KATNIP: variants seen among roughly 807,000 people sequenced by gnomAD.
KATNIP encodes katanin interacting protein.
Under a neutral mutation model 174.0 loss-of-function variants are expected in KATNIP, and 126 were observed. The ratio of observed to expected loss-of-function variants is 0.72; its 90% CI spans 0.63 to 0.84. KATNIP has a LOEUF of 0.84. Among genes scored for constraint, KATNIP ranks in the 40% least tolerant of loss-of-function variants. KATNIP has a pLI of 0.00. For synonymous variants in KATNIP, 810 were observed against 835.7 expected (o/e 0.97, Z 0.53); for missense variants, 1,958 against 2,109.7 (o/e 0.93, Z 1.41).
rs868841307 is a variant in KATNIP, at chr16:27,628,588, A to C, written c.141-73A>C. ...CGCTTCACTGTGGGAACAGCAGTTC[A>C]CTCCTGGCTTGGGGGTACAGCAGCC... On this transcript the variant is annotated intron_variant, in intron 3 of 27. Transcript: ENST00000261588. 65 of 1,492,970 alleles carry C rather than the reference A, an allele frequency of 4.4e-5. 3 individuals are homozygous for C. In the Middle Eastern group the frequency reaches 7.2e-3, roughly 165 times the overall value. 92.5% of individuals were successfully genotyped at this position (1,492,970 alleles called of 1,614,324 possible).
chr16:27,752,003 T>A, intron 17 of KATNIP, 79 bp downstream of exon 17: 1 of 1,158,620 alleles, frequency 8.6e-7, no homozygotes, highest in Non-Finnish European at 1.2e-6. Context: ...CAGGGAGAAT[T>A]AAGATGGATA....
At chr16:27,741,788 G>C (rs557550292) in intron 15 of KATNIP, among the ~76,000 whole-genome samples, 1 of 152,106 alleles carries the variant, frequency 6.6e-6, no homozygotes, top group Admixed American at 6.5e-5. Context: ...TGTAATCCCA[G>C]CTACTTGGGA....
chr16:27,662,947 C>T (rs568985018), intron 6 of KATNIP, among the ~76,000 whole-genome samples: 1 of 152,108 alleles, frequency 6.6e-6, no homozygotes, highest in Admixed American at 6.5e-5. Context: ...CCAGCTTTTA[C>T]TTTTATTGAG....
chr16:27,733,875 C>T (rs2080796682), intron 14 of KATNIP, among the ~76,000 whole-genome samples: 2 of 152,102 alleles, frequency 1.3e-5, no homozygotes, highest in Admixed American at 6.5e-5. Flanking sequence ...CTGCTTTCCT[C>T]ATGGGGCAGA....
At chr16:27,638,525 G>A (rs1056141066) in intron 5 of KATNIP, among the ~76,000 whole-genome samples, 8 of 152,168 alleles carry the variant, frequency 5.3e-5, no homozygotes, top group African/African-American at 1.9e-4. Context: ...AGCCAAGGTA[G>A]GCAGAGTGGT....
intron 2 of KATNIP, among the ~76,000 whole-genome samples, chr16:27,617,103 A>G (rs1160128118): frequency 6.6e-6 from 1 of 152,132 alleles, no homozygotes; most frequent in African/African-American, 2.4e-5. Context: ...CCCCAGCCAT[A>G]ATAAATTATA....
chr16:27,710,975 T>G (rs2079549060), intron 13 of KATNIP, among the ~76,000 whole-genome samples: 3 of 152,042 alleles, frequency 2.0e-5, no homozygotes, highest in Admixed American at 2.0e-4. Flanking sequence ...TCTCTGAGAG[T>G]GGGTTTTTCT....
intron 6 of KATNIP, among the ~76,000 whole-genome samples, chr16:27,668,687 T>G (rs1394387666): frequency 3.3e-5 from 5 of 152,206 alleles, no homozygotes; most frequent in Non-Finnish European, 7.4e-5. Flanking sequence ...GGAGACCTAC[T>G]GCACTGGCGT....
intron 6 of KATNIP, among the ~76,000 whole-genome samples, chr16:27,671,998 G>A (rs2142674833): frequency 6.6e-6 from 1 of 152,344 alleles, no homozygotes; most frequent in South Asian, 2.1e-4. Flanking sequence ...GGAGGTTGCA[G>A]TGAGCCGAGA....
chr16:27,677,693 T>C, intron 6 of KATNIP, 36 bp from the exon 7 acceptor site: 1 of 1,573,742 alleles, frequency 6.4e-7, no homozygotes, highest in Non-Finnish European at 8.7e-7. Context: ...CAAGGTACCA[T>C]ATTTATCTCT....
chr16:27,587,280 C>T (rs74757424), intron 2 of KATNIP, among the ~76,000 whole-genome samples: 38 of 152,264 alleles, frequency 2.5e-4, no homozygotes, highest in Admixed American at 1.1e-3. Context: ...TTCATTGAGT[C>T]CCTCTGTCAG....
At chr16:27,630,692 T>C (rs1184796330) in intron 4 of KATNIP, among the ~76,000 whole-genome samples, 2 of 152,186 alleles carry the variant, frequency 1.3e-5, no homozygotes, top group Non-Finnish European at 2.9e-5. Flanking sequence ...ATTCATTCAT[T>C]CAGCAAAGAG....
chr16:27,757,474 A>C (rs2081780336), intron 18 of KATNIP: 1 of 984,876 alleles, frequency 1.0e-6, no homozygotes, highest in Non-Finnish European at 1.2e-6. Context: ...TGTCCCCTTC[A>C]TCTGATGATT....
chr16:27,679,514 G>A (rs2078248674), intron 7 of KATNIP, among the ~76,000 whole-genome samples: 1 of 151,966 alleles, frequency 6.6e-6, no homozygotes, highest in South Asian at 2.1e-4. Context: ...CAACAGTTTC[G>A]GCAGCCAAGG....
At chr16:27,569,430 G>A (rs2090206713) in intron 1 of KATNIP, among the ~76,000 whole-genome samples, 1 of 152,156 alleles carries the variant, frequency 6.6e-6, no homozygotes, top group African/African-American at 2.4e-5. Context: ...ACAGACATCT[G>A]TTCTATAAAG....
intron 2 of KATNIP, among the ~76,000 whole-genome samples, chr16:27,580,811 A>G (rs1019507040): frequency 4.6e-5 from 7 of 151,432 alleles, no homozygotes; most frequent in Non-Finnish European, 1.0e-4. Flanking sequence ...TTGTGAATTT[A>G]CAGGAATGTA....
chr16:27,607,876 T>C (rs2075758790), intron 2 of KATNIP, among the ~76,000 whole-genome samples: 1 of 152,152 alleles, frequency 6.6e-6, no homozygotes, highest in African/African-American at 2.4e-5. Flanking sequence ...GCTGGGATTA[T>C]AGGCGTGAGC....
chr16:27,673,511 C>T (rs1201733897), intron 6 of KATNIP, among the ~76,000 whole-genome samples: 1 of 152,222 alleles, frequency 6.6e-6, no homozygotes, highest in Non-Finnish European at 1.5e-5. Context: ...TTTTTTAAAA[C>T]ACCAGTGGTG....
intron 6 of KATNIP, among the ~76,000 whole-genome samples, chr16:27,652,131 C>G (rs1159847013): frequency 6.6e-6 from 1 of 152,162 alleles, no homozygotes; most frequent in East Asian, 1.9e-4. Flanking sequence ...ATTCCGGACA[C>G]TGAGGATAAG....
Sources: allele counts gnomAD v4.1 joint callset (sites outside exome capture counted in the v4.1 genomes callset), GRCh38; gene constraint gnomAD v4.1.1; transcripts MANE v1.5; gene names NCBI Gene and HGNC (gene_info 2026-07-23, HGNC 2026-07-21).